The following AGO2 variants were observed in gnomAD, a reference collection of about 807,000 sequenced individuals.
AGO2 encodes the protein argonaute RISC catalytic component 2.
AGO2 carries 5 observed loss-of-function variants against 102.3 expected under a neutral mutation model. The observed-to-expected ratio is 0.05, with a 90% CI of 0.03 to 0.10. AGO2 has a LOEUF of 0.10. Among genes scored for constraint, AGO2 ranks in the 10% least tolerant of loss-of-function variants. The pLI, the probability that AGO2 is intolerant of heterozygous loss-of-function variation, is 1.00. For synonymous variants in AGO2, 449 were observed against 473.1 expected, an observed-to-expected ratio of 0.95 and a Z score of 0.66; for missense variants, 541 against 1,183.7, an observed-to-expected ratio of 0.46 and a Z score of 7.97.
At chr8:140,614,380 T>C (rs7834784) in intron 1 of AGO2, among the ~76,000 whole-genome samples, 50,817 of 152,048 alleles carry the variant, frequency 0.33, 8,790 homozygotes, top group Admixed American at 0.42. Context: ...TTCAAAACAG[T>C]GTCCTAAGAA....
chr8:140,566,173 G>C (rs2073281187), intron 3 of AGO2, among the ~76,000 whole-genome samples: 1 of 152,228 alleles, frequency 6.6e-6, no homozygotes, highest in Non-Finnish European at 1.5e-5. Context: ...AATCCAGGAA[G>C]GTGACTGAAT....
chr8:140,597,256 A>C (rs1390488007), intron 1 of AGO2, among the ~76,000 whole-genome samples: 1 of 152,164 alleles, frequency 6.6e-6, no homozygotes, highest in Non-Finnish European at 1.5e-5. Flanking sequence ...CCTCATTTAC[A>C]TACACCCTTT....
At chr8:140,605,792 C>G (rs1375103580) in intron 1 of AGO2, 1 of 152,260 alleles carries the variant, frequency 6.6e-6, no homozygotes, top group African/African-American at 2.4e-5. Context: ...GAGAAAGCTA[C>G]AAACCTGCTC....
intron 1 of AGO2, among the ~76,000 whole-genome samples, chr8:140,588,448 T>TA (rs2073692523): frequency 6.6e-6 from 1 of 152,054 alleles, no homozygotes; most frequent in Non-Finnish European, 1.5e-5. Flanking sequence ...ATATCTTAAT[T>TA]TAAAAATACT....
Position 140,547,757 on chromosome 8 carries a change from G to T in AGO2, c.1589-130C>A, listed in dbSNP as rs1746723368. The T allele has an allele frequency of 1.2e-5, 15 of 1,302,176 alleles. No homozygotes were observed. In the Admixed American group the frequency reaches 4.1e-4, roughly 36 times the overall value. 80.7% of individuals were successfully genotyped at this position (1,302,176 alleles called of 1,614,324 possible). ...AGCCATGGCAGCTGTGCTGAGCTTT[G>T]CGTGTCCCCCTCTGTCCGAGGTCGG... On this transcript the variant is annotated intron_variant, in intron 12 of 18. Coordinates refer to ENST00000220592, the MANE Select transcript of AGO2 (RefSeq NM_012154.5).
chr8:140,556,896 C>T (rs543411672), intron 8 of AGO2, among the ~76,000 whole-genome samples, 193 bp downstream of exon 8: 2 of 152,328 alleles, frequency 1.3e-5, no homozygotes, highest in Admixed American at 1.3e-4. Context: ...CACAAGAGAG[C>T]TGCAGACCCC....
In AGO2 at chr8:140,585,256, T is replaced by A; in HGVS notation, c.78A>T (p.Pro26=). Residue 26 remains proline (P), a synonymous_variant, in exon 2 of 19, where the codon CCA becomes CCT. Coordinates refer to ENST00000220592, the MANE Select transcript of AGO2 (RefSeq NM_012154.5). ...PPIQGYAFKP[P]PRPDFGTSGR... is the part of the protein sequence containing the mutation. ...CGGAGGTCCCAAAGTCGGGTCTAGG[T>A]GGAGGCTTGAAGGCATATCCTTGGA... The A allele has an allele frequency of 6.2e-7, 1 of 1,614,158 alleles. No homozygotes were observed. The highest frequency in any genetic ancestry group is 8.5e-7 in the Non-Finnish European group (1 of 1,180,018).
intron 1 of AGO2, chr8:140,591,657 T>C (rs896851229): frequency 6.6e-6 from 1 of 152,196 alleles, no homozygotes; most frequent in Non-Finnish European, 1.5e-5. Context: ...TGTTTGTGGT[T>C]CAACCTGAAA....
intron 1 of AGO2, among the ~76,000 whole-genome samples, chr8:140,629,257 G>T (rs1563660139): frequency 6.6e-6 from 1 of 152,178 alleles, no homozygotes; most frequent in Non-Finnish European, 1.5e-5. Context: ...GGCTCCGGCT[G>T]TCACTGCAGG....
upstream of AGO2, among the ~76,000 whole-genome samples, chr8:140,640,375 G>T (rs1304188194): frequency 6.6e-6 from 1 of 151,852 alleles, no homozygotes; most frequent in Non-Finnish European, 1.5e-5. Context: ...TTTCAGGCAG[G>T]CATTGATCTC....
chr8:140,544,884 G>A (rs566588082), intron 13 of AGO2, among the ~76,000 whole-genome samples: 222 of 152,296 alleles, frequency 1.5e-3, no homozygotes, highest in African/African-American at 5.2e-3. Context: ...ACTTCCCTGG[G>A]AGGCAGCACG....
At chr8:140,547,855 C>A (rs1435569952) in intron 12 of AGO2, among the ~76,000 whole-genome samples, 1 of 152,238 alleles carries the variant, frequency 6.6e-6, no homozygotes, top group African/African-American at 2.4e-5. Context: ...ACGGCTGTGC[C>A]CGCCTCGCCC....
At chr8:140,611,628 G>A (rs1434066994) in intron 1 of AGO2, among the ~76,000 whole-genome samples, 4 of 152,114 alleles carry the variant, frequency 2.6e-5, no homozygotes, top group East Asian at 1.9e-4. Flanking sequence ...GTGCCTGGCC[G>A]TGCCTGGTCT....
intron 1 of AGO2, among the ~76,000 whole-genome samples, chr8:140,595,950 A>ATATATAATATATATAAATTATATATAT (rs1374162849): frequency 1.0e-3 from 7 of 6,762 alleles, no homozygotes; most frequent in Non-Finnish European, 2.9e-3. Context: ...TATATATTTT[A>ATATATAATATATATAAATTATATATAT]TATATAATAT....
intron 1 of AGO2, chr8:140,626,559 G>T (rs1202977780): frequency 6.6e-6 from 1 of 152,248 alleles, no homozygotes; most frequent in African/African-American, 2.4e-5. Flanking sequence ...TGAGGACGAG[G>T]TTTTCACTCT....
Position 140,557,075 on chromosome 8 carries a change from A to G in AGO2, c.1026+14T>C. 1 of 1,609,840 alleles carries G rather than the reference A, an allele frequency of 6.2e-7. No homozygotes were observed. Among genetic ancestry groups the G allele is most frequent in the Non-Finnish European group, 8.5e-7 (1 of 1,177,526 alleles). ...CCCAAGCCCCCAGAGACACACAGGA[A>G]GAGGGTGACTTGCCTCCAGGGGAAG... On this transcript the variant is annotated intron_variant, in intron 8 of 18. Transcript: ENST00000220592. This position sits in a 1 kb window ranked among gnomAD's most constrained non-coding sequence, Gnocchi z 5.9.
chr8:140,577,859 G>T (rs1043884508), intron 2 of AGO2, among the ~76,000 whole-genome samples: 1 of 152,338 alleles, frequency 6.6e-6, no homozygotes, highest in African/African-American at 2.4e-5. Flanking sequence ...TGATCACTCC[G>T]CTCACTGACG....
chr8:140,602,087 GT>G (rs1292987532), intron 1 of AGO2, among the ~76,000 whole-genome samples: 1 of 152,206 alleles, frequency 6.6e-6, no homozygotes, highest in African/African-American at 2.4e-5. Flanking sequence ...GCATGTATTT[GT>G]TTTAAGAACT....
intron 5 of AGO2, among the ~76,000 whole-genome samples, chr8:140,559,769 T>C (rs573004299): frequency 7.7e-4 from 117 of 152,366 alleles, no homozygotes; most frequent in African/African-American, 2.8e-3. Context: ...GCTGATTAGT[T>C]AAAGACTAAA....
Sources: gnomAD v4.1 joint callset for allele counts (sites outside exome capture counted in the v4.1 genomes callset) on GRCh38, gnomAD v4.1.1 for gene constraint, Gnocchi (gnomAD v3.1) non-coding constraint, MANE v1.5 for transcripts, NCBI Gene and HGNC (gene_info 2026-07-23, HGNC 2026-07-21) for gene names.